Variants in CFAP299 observed in about 807,000 individuals in gnomAD.
CFAP299 encodes the protein cilia- and flagella-associated protein 299.
A neutral mutation model predicts 27.0 loss-of-function variants in CFAP299; 21 were observed. The observed-to-expected ratio is 0.78, with a 90% CI of 0.55 to 1.12. The LOEUF (loss-of-function observed/expected upper bound fraction) is 1.12. CFAP299 is among the 50% of genes most tolerant of loss of function. The pLI is 0.00. For synonymous variants in CFAP299, 104 were observed against 98.1 expected, an observed-to-expected ratio of 1.06 and a Z score of -0.36; for missense variants, 310 against 276.6, an observed-to-expected ratio of 1.12 and a Z score of -0.86.
intron 3 of CFAP299, among the ~76,000 whole-genome samples, chr4:80,716,786 G>A (rs904441570): frequency 6.6e-6 from 1 of 152,048 alleles, no homozygotes; most frequent in Non-Finnish European, 1.5e-5. Context: ...ATAATGTATA[G>A]CTGTGGATTA....
chr4:80,324,350 A>G, the CFAP299 span, among the ~76,000 whole-genome samples: 1 of 152,226 alleles, frequency 6.6e-6, no homozygotes, highest in Non-Finnish European at 1.5e-5. Context: ...CAAAGCCTCT[A>G]AAAGCACTCT....
At chr4:80,583,231 A>T in intron 3 of CFAP299, 48 bp downstream of exon 3, 1 of 1,050,756 alleles carries the variant, frequency 9.5e-7, no homozygotes, top group Non-Finnish European at 1.4e-6. Context: ...CTAAATGCAC[A>T]ATTAATATTA....
intron 3 of CFAP299, among the ~76,000 whole-genome samples, chr4:80,701,567 T>C (rs1381242392): frequency 6.6e-6 from 1 of 152,014 alleles, no homozygotes; most frequent in Non-Finnish European, 1.5e-5. Context: ...ACACTGGTTT[T>C]AGGCATGAAA....
chr4:80,392,907 A>T (rs1385369340), intron 2 of CFAP299, among the ~76,000 whole-genome samples: 1 of 152,222 alleles, frequency 6.6e-6, no homozygotes, highest in African/African-American at 2.4e-5. Flanking sequence ...CTTATTAAAA[A>T]AAGTTAACTG....
At chr4:80,922,895 T>G (rs963637771) in intron 4 of CFAP299, among the ~76,000 whole-genome samples, 1 of 150,072 alleles carries the variant, frequency 6.7e-6, no homozygotes, top group African/African-American at 2.4e-5. Flanking sequence ...TACATACATA[T>G]ATAATATCTA....
intron 3 of CFAP299, among the ~76,000 whole-genome samples, chr4:80,815,011 T>C (rs1560426433): frequency 6.6e-6 from 1 of 151,862 alleles, no homozygotes; most frequent in Non-Finnish European, 1.5e-5. Context: ...TTATCAAGTA[T>C]GAATAAGAAC....
chr4:80,541,972 TAA>T (rs35634141), intron 2 of CFAP299, among the ~76,000 whole-genome samples: 2 of 145,152 alleles, frequency 1.4e-5, no homozygotes, highest in Non-Finnish European at 3.0e-5. Flanking sequence ...GTATAATAAT[TAA>T]AAAAAAAAAG....
intron 3 of CFAP299, among the ~76,000 whole-genome samples, chr4:80,788,206 C>T (rs1727354809): frequency 6.6e-6 from 1 of 151,962 alleles, no homozygotes; most frequent in Non-Finnish European, 1.5e-5. Context: ...CAAATGTGAA[C>T]TCATTGAAGG....
chr4:80,889,542 A>C (rs1734145372), intron 4 of CFAP299, among the ~76,000 whole-genome samples: 1 of 152,012 alleles, frequency 6.6e-6, no homozygotes, highest in African/African-American at 2.4e-5. Flanking sequence ...TTTTACCAGA[A>C]ATTTAATAGA....
At chr4:80,455,674 G>T (rs1729110922) in intron 2 of CFAP299, among the ~76,000 whole-genome samples, 1 of 152,160 alleles carries the variant, frequency 6.6e-6, no homozygotes, top group Admixed American at 6.5e-5. Flanking sequence ...TCATTTTGTA[G>T]CATGTAGCTC....
intron 4 of CFAP299, among the ~76,000 whole-genome samples, chr4:80,895,268 A>G (rs1467042210): frequency 1.3e-5 from 2 of 152,070 alleles, no homozygotes; most frequent in Non-Finnish European, 2.9e-5. Flanking sequence ...GTGTATACAT[A>G]TATCAAAACA....
chr4:80,688,257 A>T (rs1442203276), intron 3 of CFAP299, among the ~76,000 whole-genome samples: 1 of 152,208 alleles, frequency 6.6e-6, no homozygotes, highest in Non-Finnish European at 1.5e-5. Flanking sequence ...AAACAAAAAG[A>T]CAGCAGTAAC....
chr4:80,509,145 C>T, intron 2 of CFAP299, among the ~76,000 whole-genome samples: 1 of 152,246 alleles, frequency 6.6e-6, no homozygotes, highest in African/African-American at 2.4e-5. Flanking sequence ...ACACAGATGC[C>T]TAACTATAGC....
Position 80,414,753 on chromosome 4 carries a change from A to G in CFAP299, c.242+51869A>G, listed in dbSNP as rs542380411. Among the ~76,000 whole-genome samples the G allele has an allele frequency of 1.1e-4, 16 of 152,300 alleles. No homozygotes were observed. The South Asian group carries it at 1.2e-3, about 12-fold the overall frequency. Reference sequence around the variant, plus strand: ...CTAACAGACTCCATTTTATACTTCTATTACTAACCCCCTCTGTACCCACAA... The same window carrying G: ...CTAACAGACTCCATTTTATACTTCTGTTACTAACCCCCTCTGTACCCACAA... On this transcript the variant is annotated intron_variant, in intron 2 of 5. Transcript: ENST00000358105.
intron 3 of CFAP299, among the ~76,000 whole-genome samples, chr4:80,595,486 T>C (rs72659880): frequency 0.029 from 4,483 of 152,338 alleles, 94 homozygotes; most frequent in Middle Eastern, 0.065. Context: ...TGTTCAACAC[T>C]GGCTTGTCCA....
intron 4 of CFAP299, among the ~76,000 whole-genome samples, chr4:80,944,513 T>C (rs1457818641): frequency 1.3e-5 from 2 of 152,190 alleles, no homozygotes; most frequent in Non-Finnish European, 2.9e-5. Context: ...AGCCTTAAAT[T>C]GCATCAATTT....
At chr4:80,814,751 C>T (rs1046577228) in intron 3 of CFAP299, among the ~76,000 whole-genome samples, 20 of 151,720 alleles carry the variant, frequency 1.3e-4, no homozygotes, top group African/African-American at 3.9e-4. Flanking sequence ...GAAAAACTCC[C>T]GAGTGAATAT....
chr4:80,665,808 C>T (rs1452864842), intron 3 of CFAP299, among the ~76,000 whole-genome samples: 2 of 152,052 alleles, frequency 1.3e-5, no homozygotes, highest in African/African-American at 4.8e-5. Flanking sequence ...AGTACAATCG[C>T]CTTGGTACTG....
chr4:80,890,400 C>G (rs908048022), intron 4 of CFAP299, among the ~76,000 whole-genome samples: 1 of 151,930 alleles, frequency 6.6e-6, no homozygotes, highest in Non-Finnish European at 1.5e-5. Context: ...AAAGAAAATA[C>G]CTAGGAATTA....
Sources: gnomAD v4.1 joint callset for allele counts (sites outside exome capture counted in the v4.1 genomes callset) on GRCh38, gnomAD v4.1.1 for gene constraint, MANE v1.5 for transcripts, NCBI Gene and HGNC (gene_info 2026-07-23, HGNC 2026-07-21) for gene names.